Variants in CDK15 observed in about 807,000 individuals in gnomAD.
The protein encoded by CDK15 is cyclin dependent kinase 15, also known as cyclin-dependent kinase 15.
A neutral mutation model predicts 60.3 loss-of-function variants in CDK15; 62 were observed. The ratio of observed to expected loss-of-function variants is 1.03; its 90% confidence interval spans 0.84 to 1.27. CDK15 has a LOEUF of 1.27. Ranked by LOEUF, CDK15 falls within the 50% of genes most tolerant of loss-of-function variation. The probability of loss-of-function intolerance (pLI) is 0.00; values close to 1 mark genes in which losing one functional copy is unlikely to be tolerated. For synonymous variants in CDK15, 194 were observed against 195.7 expected, an observed-to-expected ratio of 0.99 and a Z score of 0.07; for missense variants, 541 against 527.8, an observed-to-expected ratio of 1.03 and a Z score of -0.25.
chr2:201,835,948 A>T (rs1438924516), intron 8 of CDK15, among the ~76,000 whole-genome samples, 185 bp downstream of exon 8: 31 of 109,544 alleles, frequency 2.8e-4, no homozygotes, highest in Non-Finnish European at 4.8e-4. Flanking sequence ...TTATATATTT[A>T]TATATATTTG....
At position 201,880,027 on chromosome 2, in the gene CDK15, G is replaced by T; in HGVS notation, c.1059-1G>T. ...TCTATTTTTCTCTCCCACTTTTCCAGGCTGGGCAGGGTTCCTGAAGCTGAA... is the reference window on the plus strand; with the variant it reads ...TCTATTTTTCTCTCCCACTTTTCCATGCTGGGCAGGGTTCCTGAAGCTGAA... On this transcript the variant is annotated splice_acceptor_variant, in intron 11 of 13. Transcript: ENST00000652192. LOFTEE classifies it high-confidence loss of function. 1 of 1,613,712 alleles carries T rather than the reference G, an allele frequency of 6.2e-7. No individual in the cohort carries two copies. Among genetic ancestry groups the T allele is most frequent in the Non-Finnish European group, 8.5e-7 (1 of 1,179,858 alleles).
chr2:201,881,012 A>T (rs1699255724), intron 12 of CDK15, among the ~76,000 whole-genome samples: 2 of 152,200 alleles, frequency 1.3e-5, no homozygotes, highest in Non-Finnish European at 2.9e-5. Context: ...TAAGCCAGAG[A>T]AAAGAAAGCT....
At chr2:201,874,515 A>G (rs1481763913) in intron 11 of CDK15, among the ~76,000 whole-genome samples, 1 of 152,202 alleles carries the variant, frequency 6.6e-6, no homozygotes, top group Non-Finnish European at 1.5e-5. Flanking sequence ...AGGTAGTCCA[A>G]CTAAGTAAGT....
chr2:201,889,122 C>T (rs988847918), intron 12 of CDK15: 6 of 985,236 alleles, frequency 6.1e-6, no homozygotes, highest in African/African-American at 1.7e-5. Context: ...TTAGGCCAGG[C>T]GAGGCAGAGC....
intron 9 of CDK15, among the ~76,000 whole-genome samples, chr2:201,853,156 G>A (rs1230612692): frequency 2.0e-5 from 3 of 152,138 alleles, no homozygotes; most frequent in Admixed American, 2.0e-4. Flanking sequence ...TTGTCCCCTG[G>A]CCTTCTCCCA....
At position 201,807,854 on chromosome 2, in the gene CDK15, G is replaced by A. The variant is rs745803504; in HGVS notation, c.274-4G>A. The stretch of plus-strand genomic sequence containing the variant: ...CGCTCCTTTTCCCCATTCCCCTAGA[G>A]CAGAGGAAGAGCCTCCCTTTTGGGG... On this transcript the variant is annotated splice_region_variant and splice_polypyrimidine_tract_variant and intron_variant, in intron 2 of 13. Transcript: ENST00000652192. 5.0e-6 allele frequency: 8 copies of A among 1,612,436 alleles called. No individual in the cohort carries two copies. The South Asian group carries it at 8.8e-5, about 18-fold the overall frequency.
At chr2:201,816,414 T>C (rs927503497) in intron 4 of CDK15, among the ~76,000 whole-genome samples, 1 of 151,124 alleles carries the variant, frequency 6.6e-6, no homozygotes, top group Admixed American at 6.6e-5. Flanking sequence ...TCACTTAGGA[T>C]AATGGCCTCC....
At position 201,890,765 on chromosome 2, in the gene CDK15, C is replaced by T. The variant is rs376186532; in HGVS notation, c.1199-20C>T. The T allele has an allele frequency of 1.6e-4, 243 of 1,558,706 alleles. No homozygotes were observed. The Middle Eastern group carries it at 1.8e-3, about 12-fold the overall frequency. ...CCCAGGAAATAACATATTGGTGCTT[C>T]TCTCTTTTCATTCCTACAGAGGAGT... On this transcript the variant is annotated intron_variant, in intron 12 of 13. Coordinates refer to ENST00000652192, the MANE Select transcript of CDK15 (RefSeq NM_001366386.2).
In CDK15 at chr2:201,835,657, A is replaced by G. The variant is rs1200197383; in HGVS notation, c.745A>G (p.Lys249Glu). ...CTTTTGGACAGGTCTTGCCCGGGCC[A>G]AGTCCATTCCCAGCCAGACATACTC... is the stretch of plus-strand genomic sequence containing the variant. ...KLADFGLARA[K>E]SIPSQTYSSE... Residue 249 changes from lysine (K) to glutamate (E), a missense_variant, in exon 8 of 14, where the codon AAG becomes GAG. Transcript: ENST00000652192. 1 of 1,608,182 alleles carries G rather than the reference A, an allele frequency of 6.2e-7. No homozygotes were observed. Among genetic ancestry groups the G allele is most frequent in the Non-Finnish European group, 8.5e-7 (1 of 1,176,300 alleles).
At chr2:201,853,923 A>G (rs1292856294) in intron 9 of CDK15, among the ~76,000 whole-genome samples, 1 of 152,108 alleles carries the variant, frequency 6.6e-6, no homozygotes, top group African/African-American at 2.4e-5. Flanking sequence ...GCACTTTGGG[A>G]GGCCGAGGTG....
Position 201,890,849 on chromosome 2 carries a change from C to G in CDK15, c.1263C>G (p.Ser421=), listed in dbSNP as rs1559154370. ...LKPEMCDLLA[S]YQKGHHPAQF... ...CAGAAATGTGTGACCTTTTGGCCTCCTACCAGAAAGGTCACCACCCAGCCC... is the reference window on the plus strand; with the variant it reads ...CAGAAATGTGTGACCTTTTGGCCTCGTACCAGAAAGGTCACCACCCAGCCC... The change falls in exon 13 of 14, where the codon TCC becomes TCG. Residue 421 remains serine, a synonymous_variant. Transcript: ENST00000652192. 6.2e-7 allele frequency: 1 copy of G among 1,613,740 alleles called. No homozygotes were observed. The highest frequency in any genetic ancestry group is 2.2e-5 in the East Asian group (1 of 44,856).
chr2:201,828,762 A>C (rs1190968240), intron 6 of CDK15, among the ~76,000 whole-genome samples: 1 of 152,146 alleles, frequency 6.6e-6, no homozygotes, highest in Non-Finnish European at 1.5e-5. Flanking sequence ...CCTCCATGAG[A>C]GTTCAGCTAT....
chr2:201,879,418 T>G (rs1407034577), intron 11 of CDK15, among the ~76,000 whole-genome samples: 2 of 152,192 alleles, frequency 1.3e-5, no homozygotes, highest in East Asian at 3.9e-4. Context: ...CTTGTTCTGT[T>G]GCCCAGGCTG....
chr2:201,892,455 T>C (rs1699668182), intron 13 of CDK15, among the ~76,000 whole-genome samples: 1 of 152,210 alleles, frequency 6.6e-6, no homozygotes, highest in Non-Finnish European at 1.5e-5. Context: ...GCCTTTCTGA[T>C]CTACAGTGAC....
intron 4 of CDK15, among the ~76,000 whole-genome samples, chr2:201,816,455 GTTTTTTT>G (rs55930032): frequency 2.5e-5 from 2 of 79,854 alleles, no homozygotes; most frequent in Non-Finnish European, 4.6e-5. Context: ...TAAGGAAATG[GTTTTTTT>G]TTTTTTTTTT....
chr2:201,890,827 A>C lies in CDK15; in HGVS notation c.1241A>C (p.Glu414Ala), dbSNP rs142602589. ...GTTTCAGGAGTGAGGCTAAAGCCAG[A>C]AATGTGTGACCTTTTGGCCTCCTAC... ...FTVSGVRLKPEMCDLLASYQK... is the reference protein window; with the variant it reads ...FTVSGVRLKPAMCDLLASYQK... The change falls in exon 13 of 14, where the codon GAA becomes GCA. Residue 414 changes from glutamate (E) to alanine (A), a missense_variant. By Grantham distance (107) the Glu-to-Ala change is moderately radical (BLOSUM62 -1). Transcript: ENST00000652192. 1.9e-6 allele frequency: 3 copies of C among 1,613,630 alleles called. No individual in the cohort carries two copies. Among genetic ancestry groups the C allele is most frequent in the African/African-American group, 2.7e-5 (2 of 74,940 alleles).
chr2:201,880,646 G>A (rs1699242985), intron 12 of CDK15, among the ~76,000 whole-genome samples: 1 of 152,212 alleles, frequency 6.6e-6, no homozygotes, highest in African/African-American at 2.4e-5. Flanking sequence ...TGCCGGGGTG[G>A]GGTGCTGGGG....
chr2:201,843,250 G>A lies in CDK15; in HGVS notation c.852-4131G>A, dbSNP rs576267997. Among the ~76,000 whole-genome samples, 13 of 152,102 alleles carry A rather than the reference G, an allele frequency of 8.5e-5. 1 individual carries two copies. Among genetic ancestry groups the A allele is most frequent in the African/African-American group, 2.2e-4 (9 of 41,474 alleles). ...CGCCCAGGCTGGAGTGCAGTGGTGC[G>A]ATGTCGGCTCACTGCAACCTCCAAC... is the stretch of plus-strand genomic sequence containing the variant. On this transcript the variant is annotated intron_variant, in intron 8 of 13. Transcript: ENST00000652192.
chr2:201,861,001 C>A (rs1698370848), intron 10 of CDK15: 2 of 1,182,380 alleles, frequency 1.7e-6, no homozygotes. Context: ...AGGTCTGCAT[C>A]TGGGTCGGCA....
Sources: gnomAD v4.1 joint callset for allele counts (sites outside exome capture counted in the v4.1 genomes callset) on GRCh38, gnomAD v4.1.1 for gene constraint, MANE v1.5 for transcripts, NCBI Gene and HGNC (gene_info 2026-07-23, HGNC 2026-07-21) for gene names.